UHRF2: variants seen among roughly 807,000 people sequenced by gnomAD.
UHRF2 encodes ubiquitin like with PHD and ring finger domains 2.
UHRF2 carries 23 observed loss-of-function variants against 96.8 expected under a neutral mutation model. That is an observed-to-expected ratio of 0.24 (90% CI 0.17 to 0.34). UHRF2 has a LOEUF of 0.34. UHRF2 is among the 10% of genes least tolerant of loss of function. The pLI is 1.00. For synonymous variants in UHRF2, 385 were observed against 332.6 expected, an observed-to-expected ratio of 1.16 and a Z score of -1.72; for missense variants, 685 against 981.5, an observed-to-expected ratio of 0.70 and a Z score of 4.04.
At chr9:6,463,803 CT>C (rs1822705895) in intron 4 of UHRF2, among the ~76,000 whole-genome samples, 1 of 151,900 alleles carries the variant, frequency 6.6e-6, no homozygotes, top group African/African-American at 2.4e-5. Context: ...GATTAGAAAT[CT>C]TTCATCCTCA....
At chr9:6,492,761 C>G (rs117882882) in intron 9 of UHRF2, 1 of 148,972 alleles carries the variant, frequency 6.7e-6, no homozygotes, top group Non-Finnish European at 1.5e-5. Flanking sequence ...GTTTCAAGTA[C>G]TGAATCAGAT....
At chr9:6,483,525 A>G (rs1824057378) in intron 8 of UHRF2, among the ~76,000 whole-genome samples, 1 of 152,132 alleles carries the variant, frequency 6.6e-6, no homozygotes, top group African/African-American at 2.4e-5. Context: ...TTCAGTACAG[A>G]CACAGCCGTC....
intron 1 of UHRF2, among the ~76,000 whole-genome samples, chr9:6,418,472 T>C (rs550698332): frequency 6.6e-6 from 1 of 152,128 alleles, no homozygotes; most frequent in South Asian, 2.1e-4. Context: ...CCTGTAGTGT[T>C]TGAGATTGTG....
chr9:6,446,687 A>G (rs1472246685), intron 3 of UHRF2, among the ~76,000 whole-genome samples: 35 of 151,770 alleles, frequency 2.3e-4, no homozygotes, highest in Admixed American at 2.3e-3. Flanking sequence ...CCCCGTCTCT[A>G]TAGGAAAATT....
At chr9:6,441,720 G>C (rs1821175590) in intron 3 of UHRF2, among the ~76,000 whole-genome samples, 1 of 151,418 alleles carries the variant, frequency 6.6e-6, no homozygotes, top group Non-Finnish European at 1.5e-5. Flanking sequence ...AGTATGTCTA[G>C]GTGGTTTGTG....
chr9:6,462,686 A>C (rs1039479746), intron 4 of UHRF2, among the ~76,000 whole-genome samples: 6 of 149,328 alleles, frequency 4.0e-5, no homozygotes, highest in Non-Finnish European at 8.9e-5. Flanking sequence ...TGGGAGACCA[A>C]GGTGGGCGGA....
At chr9:6,452,469 A>C (rs1454951014) in intron 3 of UHRF2, among the ~76,000 whole-genome samples, 1 of 152,248 alleles carries the variant, frequency 6.6e-6, no homozygotes, top group Non-Finnish European at 1.5e-5. Flanking sequence ...ACTTCATAAA[A>C]TATTTTAAGT....
At chr9:6,434,221 A>G in intron 3 of UHRF2, 48 bp downstream of exon 3, 1 of 1,544,102 alleles carries the variant, frequency 6.5e-7, no homozygotes. Flanking sequence ...TCATTTGTAG[A>G]AACCAAAGCC....
At position 6,413,570 on chromosome 9, in the gene UHRF2, A is replaced by G; in HGVS notation, c.80A>G (p.Glu27Gly). The change falls in exon 1 of 16, where the codon GAG becomes GGG. Residue 27 changes from glutamate to glycine, a missense_variant. Coordinates refer to ENST00000276893, the MANE Select transcript of UHRF2 (RefSeq NM_152896.3). ...EDVSRKATIE[E>G]LRERVWALFD... Reference sequence around the variant, plus strand: ...GTGTCTCGCAAAGCCACGATTGAGGAGCTGCGCGAGCGGGTGTGGGCGCTG... The same window carrying G: ...GTGTCTCGCAAAGCCACGATTGAGGGGCTGCGCGAGCGGGTGTGGGCGCTG... 6.2e-7 allele frequency: 1 copy of G among 1,602,168 alleles called. No homozygotes were observed. Among genetic ancestry groups the G allele is most frequent in the Non-Finnish European group, 8.5e-7 (1 of 1,174,892 alleles).
intron 3 of UHRF2, among the ~76,000 whole-genome samples, chr9:6,447,704 G>A (rs1416069465): frequency 2.6e-5 from 4 of 151,814 alleles, no homozygotes; most frequent in Non-Finnish European, 4.4e-5. Context: ...ATAAACCCCC[G>A]AGGACAAAAA....
intron 12 of UHRF2, chr9:6,498,982 CAT>C (rs1259102810): frequency 3.9e-5 from 6 of 152,182 alleles, no homozygotes; most frequent in Non-Finnish European, 8.8e-5. Flanking sequence ...TTTTTAAACT[CAT>C]AGAATTGATT....
chr9:6,452,486 G>A (rs936916289), intron 3 of UHRF2, among the ~76,000 whole-genome samples: 1 of 152,202 alleles, frequency 6.6e-6, no homozygotes, highest in African/African-American at 2.4e-5. Flanking sequence ...AAGTAGGTCT[G>A]TGTCTTAGAA....
chr9:6,434,040 T>G lies in UHRF2; in HGVS notation c.511T>G (p.Cys171Gly). 6.2e-7 allele frequency: 1 copy of G among 1,614,130 alleles called. No homozygotes were observed. Among genetic ancestry groups the G allele is most frequent in the Non-Finnish European group, 8.5e-7 (1 of 1,180,014 alleles). Residue 171 changes from cysteine (C) to glycine (G), a missense_variant, in exon 3 of 16, where the codon TGT becomes GGT. Cys to Gly is a radical substitution (Grantham distance 159). Coordinates refer to ENST00000276893, the MANE Select transcript of UHRF2 (RefSeq NM_152896.3). ...AACTCCACTGAAGAATGGCAGTTCT[T>G]GTAAAAGGACTAATGGAAATATAAA... is the stretch of plus-strand genomic sequence containing the variant. ...GKTPLKNGSS[C>G]KRTNGNIKHK...
At chr9:6,438,003 G>T (rs557970071) in intron 3 of UHRF2, among the ~76,000 whole-genome samples, 16 of 152,310 alleles carry the variant, frequency 1.1e-4, no homozygotes, top group South Asian at 2.1e-4. Flanking sequence ...TTGTCCTCCA[G>T]CTCTCATGCC....
chr9:6,461,013 T>G (rs1399848248), intron 4 of UHRF2, among the ~76,000 whole-genome samples: 3 of 152,224 alleles, frequency 2.0e-5, no homozygotes, highest in Non-Finnish European at 4.4e-5. Context: ...TGGAAGAATG[T>G]TGGAAATAAC....
chr9:6,488,134 C>T (rs1312366109), intron 9 of UHRF2, among the ~76,000 whole-genome samples: 1 of 150,826 alleles, frequency 6.6e-6, no homozygotes, highest in Non-Finnish European at 1.5e-5. Context: ...TCCCGGCTAC[C>T]CAGGAGGATG....
At chr9:6,461,549 T>C (rs1179996831) in intron 4 of UHRF2, among the ~76,000 whole-genome samples, 3 of 151,588 alleles carry the variant, frequency 2.0e-5, no homozygotes, top group Non-Finnish European at 4.4e-5. Flanking sequence ...ACTTTTATAT[T>C]TTTAGTAGAG....
rs192217552 is a variant in UHRF2 at position 6,483,804 on chromosome 9, C to G, written c.1392+1705C>G. ...TCCCGGGTTCAAGCAATTCTCCTGC[C>G]TCAGCCTCCCAAGTAGCTGGGATTA... On this transcript the variant is annotated intron_variant, in intron 8 of 15. Transcript: ENST00000276893. Among the ~76,000 whole-genome samples the G allele has an allele frequency of 6.2e-3, 950 of 152,254 alleles. 5 individuals carry two copies. The highest frequency in any genetic ancestry group is 0.022 in the African/African-American group (894 of 41,546).
intron 3 of UHRF2, among the ~76,000 whole-genome samples, chr9:6,446,420 G>T (rs1008734332): frequency 1.3e-5 from 2 of 151,330 alleles, no homozygotes; most frequent in Non-Finnish European, 2.9e-5. Flanking sequence ...TGGGTTTACA[G>T]GCGTGAGCCA....
Sources: allele counts gnomAD v4.1 joint callset (sites outside exome capture counted in the v4.1 genomes callset), GRCh38; gene constraint gnomAD v4.1.1; transcripts MANE v1.5; gene names NCBI Gene and HGNC (gene_info 2026-07-23, HGNC 2026-07-21).